The following EPC2 variants were observed in gnomAD, a reference collection of about 807,000 sequenced individuals.
EPC2 encodes enhancer of polycomb 2.
Under a neutral mutation model 92.1 loss-of-function variants are expected in EPC2, and 14 were observed. The observed-to-expected ratio is 0.15, with a 90% CI of 0.10 to 0.24. EPC2 has a LOEUF of 0.24. EPC2 is among the 10% of genes least tolerant of loss of function. EPC2 has a pLI of 1.00. For missense variants in EPC2, 755 were observed against 971.5 expected (o/e 0.78, Z 2.96); for synonymous variants, 340 against 334.7 (o/e 1.02, Z -0.17).
intron 2 of EPC2, among the ~76,000 whole-genome samples, chr2:148,717,000 CT>C (rs1682274225): frequency 6.6e-6 from 1 of 152,100 alleles, no homozygotes; most frequent in Non-Finnish European, 1.5e-5. Flanking sequence ...TTATCCATTT[CT>C]TCTAGATTTT....
At chr2:148,743,796 T>G in intron 3 of EPC2, 29 bp downstream of exon 3, 1 of 1,472,024 alleles carries the variant, frequency 6.8e-7, no homozygotes. Context: ...ATGTCTCTTA[T>G]CTTCTAGTTA....
At chr2:148,712,812 G>A (rs1682176242) in intron 2 of EPC2, among the ~76,000 whole-genome samples, 1 of 152,142 alleles carries the variant, frequency 6.6e-6, no homozygotes, top group Non-Finnish European at 1.5e-5. Flanking sequence ...GAGATTAGGA[G>A]TTTGTGGTTA....
intron 1 of EPC2, among the ~76,000 whole-genome samples, chr2:148,670,814 C>T (rs1323288691): frequency 6.6e-6 from 1 of 152,066 alleles, no homozygotes; most frequent in African/African-American, 2.4e-5. Context: ...GCAATCCTTC[C>T]ACCTCAGCCT....
chr2:148,765,267 A>G (rs1683386979), intron 7 of EPC2, 121 bp downstream of exon 7: 1 of 583,110 alleles, frequency 1.7e-6, no homozygotes, highest in East Asian at 3.3e-5. Flanking sequence ...TATATAGCAT[A>G]AACATTTCCA....
chr2:148,764,991 G>C lies in EPC2; in HGVS notation c.985G>C (p.Asp329His), dbSNP rs1204438527. 1 of 1,600,538 alleles carries C rather than the reference G, an allele frequency of 6.2e-7. No individual in the cohort carries two copies. The change falls in exon 7 of 14, where the codon GAT (aspartate) becomes CAT (histidine). Residue 329 changes from aspartate (D) to histidine (H), a missense_variant. Asp to His is a moderately conservative substitution (Grantham distance 81). Coordinates refer to ENST00000258484, the MANE Select transcript of EPC2 (RefSeq NM_015630.4). ...HHLSLKEEAS[D>H]VVRQKKKYPK... ...TTTGTCTTTGAAAGAAGAGGCTTCT[G>C]ATGTGGTTCGTCAAAAGAAGAAGTA...
intron 2 of EPC2, among the ~76,000 whole-genome samples, chr2:148,726,909 T>A (rs1682511241): frequency 1.3e-5 from 2 of 152,032 alleles, no homozygotes; most frequent in African/African-American, 4.8e-5. Context: ...TTGTTTCCTT[T>A]GCCCTGAAGA....
At chr2:148,664,823 C>A (rs1681027065) in intron 1 of EPC2, among the ~76,000 whole-genome samples, 1 of 152,128 alleles carries the variant, frequency 6.6e-6, no homozygotes, top group African/African-American at 2.4e-5. Flanking sequence ...ATAAATAGTT[C>A]ACTCCATTTT....
At chr2:148,773,163 T>C (rs1683561042) in intron 10 of EPC2, among the ~76,000 whole-genome samples, 1 of 152,138 alleles carries the variant, frequency 6.6e-6, no homozygotes, top group Admixed American at 6.5e-5. Flanking sequence ...AACATATGTA[T>C]TGGTCCAAAA....
intron 2 of EPC2, among the ~76,000 whole-genome samples, chr2:148,721,698 T>C: frequency 7.0e-6 from 1 of 143,712 alleles, no homozygotes; most frequent in East Asian, 2.4e-4. Flanking sequence ...CATTTAGTAG[T>C]ATTCTGTTTT....
intron 1 of EPC2, among the ~76,000 whole-genome samples, chr2:148,677,407 G>C (rs759693844): frequency 2.6e-5 from 4 of 152,162 alleles, no homozygotes; most frequent in Admixed American, 6.5e-5. Flanking sequence ...CAGCATGCTG[G>C]CTCATGCTTG....
At chr2:148,700,427 A>AT (rs1174450319) in intron 2 of EPC2, among the ~76,000 whole-genome samples, 2 of 150,720 alleles carry the variant, frequency 1.3e-5, no homozygotes, top group African/African-American at 2.4e-5. Flanking sequence ...ATCTAGATTC[A>AT]TTTTTTTTCA....
At chr2:148,763,773 C>A (rs1013675883) in intron 6 of EPC2, among the ~76,000 whole-genome samples, 1 of 152,176 alleles carries the variant, frequency 6.6e-6, no homozygotes, top group African/African-American at 2.4e-5. Context: ...GTGCAAATGT[C>A]ATTTTGTAAG....
At chr2:148,690,165 T>A in intron 1 of EPC2, 49 bp from the exon 2 acceptor site, 1 of 1,502,470 alleles carries the variant, frequency 6.7e-7, no homozygotes. Context: ...AATTATGCAT[T>A]GATTAATATT....
intron 1 of EPC2, among the ~76,000 whole-genome samples, chr2:148,675,785 A>G (rs1681251555): frequency 6.6e-6 from 1 of 152,192 alleles, no homozygotes; most frequent in Non-Finnish European, 1.5e-5. Flanking sequence ...TTTTTAGTCC[A>G]TTACTAATAA....
At chr2:148,692,512 T>C (rs1001456183) in intron 2 of EPC2, 1 of 152,216 alleles carries the variant, frequency 6.6e-6, no homozygotes, top group Admixed American at 6.5e-5. Context: ...TTCCACAGAT[T>C]TCTTTTCTCT....
chr2:148,767,485 T>C (rs1199545366), intron 7 of EPC2, among the ~76,000 whole-genome samples: 1 of 152,204 alleles, frequency 6.6e-6, no homozygotes, highest in Non-Finnish European at 1.5e-5. Flanking sequence ...TATCTCCATA[T>C]TACTAAAGAG....
intron 2 of EPC2, among the ~76,000 whole-genome samples, chr2:148,726,765 G>GTTTTTTTTTTTTTTTTTTTTTTTTT (rs201293391): frequency 5.7e-4 from 57 of 100,554 alleles, no homozygotes; most frequent in Non-Finnish European, 6.6e-4. Flanking sequence ...TTTGTTTTTT[G>GTTTTTTTTTTTTTTTTTTTTTTTTT]TTTTTTTTTT....
intron 2 of EPC2, among the ~76,000 whole-genome samples, chr2:148,701,243 A>G (rs942053312): frequency 2.0e-5 from 3 of 152,162 alleles, no homozygotes; most frequent in Admixed American, 6.6e-5. Context: ...TAATCTGTAT[A>G]CTTTTTATTT....
chr2:148,763,773 C>T (rs1013675883), intron 6 of EPC2, among the ~76,000 whole-genome samples: 2 of 152,176 alleles, frequency 1.3e-5, no homozygotes, highest in African/African-American at 4.8e-5. Context: ...GTGCAAATGT[C>T]ATTTTGTAAG....
Sources: gnomAD v4.1 joint callset for allele counts (sites outside exome capture counted in the v4.1 genomes callset) on GRCh38, gnomAD v4.1.1 for gene constraint, MANE v1.5 for transcripts, NCBI Gene and HGNC (gene_info 2026-07-23, HGNC 2026-07-21) for gene names.